The following SIPA1L2 variants were observed in gnomAD, a reference collection of about 807,000 sequenced individuals.
SIPA1L2 encodes the protein signal induced proliferation associated 1 like 2, also known as signal-induced proliferation-associated 1-like protein 2.
SIPA1L2 carries 56 observed loss-of-function variants against 163.9 expected under a neutral mutation model. The ratio of observed to expected loss-of-function variants is 0.34; its 90% CI spans 0.28 to 0.43. The LOEUF is 0.43. Among genes scored for constraint, SIPA1L2 ranks in the 20% least tolerant of loss-of-function variants. The pLI is 1.00. For synonymous variants in SIPA1L2, 877 were observed against 865.7 expected (o/e 1.01, Z -0.23); for missense variants, 1,974 against 2,193.5 (o/e 0.90, Z 2.00).
intron 1 of SIPA1L2, among the ~76,000 whole-genome samples, chr1:232,598,628 C>T (rs1210052139): frequency 6.6e-6 from 1 of 152,144 alleles, no homozygotes; most frequent in Non-Finnish European, 1.5e-5. Context: ...GGCACTAGCA[C>T]ATTCAGGGTC....
In SIPA1L2 at chr1:232,600,043, G is replaced by A. The variant is rs144260795; in HGVS notation, c.-318-25821C>T. ...CCTGCCAGAACACGGGCACTAATCCGTTGCCAGAGTTTAGTGCCTTTCTGG... is the reference window on the plus strand; with the variant it reads ...CCTGCCAGAACACGGGCACTAATCCATTGCCAGAGTTTAGTGCCTTTCTGG... On this transcript the variant is annotated intron_variant, in intron 1 of 22. Coordinates refer to ENST00000674635, the MANE Select transcript of SIPA1L2 (RefSeq NM_020808.5). Among the ~76,000 whole-genome samples the A allele has an allele frequency of 7.3e-3, 1,112 of 152,354 alleles. 4 individuals carry two copies. The highest frequency in any genetic ancestry group is 0.01 in the Middle Eastern group (3 of 294).
At chr1:232,452,504 C>CA (rs369358866) in intron 10 of SIPA1L2, among the ~76,000 whole-genome samples, 46 of 152,304 alleles carry the variant, frequency 3.0e-4, no homozygotes, top group African/African-American at 1.1e-3. Context: ...CCCAAGATGG[C>CA]ATCCACCCAC....
At chr1:232,568,397 C>G (rs789650) in intron 2 of SIPA1L2, among the ~76,000 whole-genome samples, 59,254 of 152,054 alleles carry the variant, frequency 0.39, 12,645 homozygotes, top group East Asian at 0.56. Context: ...GGTGTGGGGG[C>G]AAACTGCCAA....
chr1:232,430,843 C>T (rs1229684432), intron 16 of SIPA1L2, among the ~76,000 whole-genome samples: 1 of 152,214 alleles, frequency 6.6e-6, no homozygotes, highest in Non-Finnish European at 1.5e-5. Context: ...GTGGGGACTG[C>T]CATTTGCCCT....
In SIPA1L2 at chr1:232,464,934, C is replaced by A. The variant is rs1032761141; in HGVS notation, c.2726G>T (p.Ser909Ile). 1 of 1,614,194 alleles carries A rather than the reference C, an allele frequency of 6.2e-7. No individual in the cohort carries two copies. The highest frequency in any genetic ancestry group is 8.5e-7 in the Non-Finnish European group (1 of 1,180,020). ...TCCTCTTTCGTAAAACACTTTGATA[C>A]TCACTAATCCAGATGTCCACCCAAT... ...DVIGWTSGLVSIKVFYERGEC... is the reference protein window; with the variant it reads ...DVIGWTSGLVIIKVFYERGEC... Residue 909 changes from serine to isoleucine, a missense_variant, in exon 9 of 23, where the codon AGT (serine) becomes ATT (isoleucine). Ser to Ile is a moderately radical substitution (Grantham distance 142). Coordinates refer to ENST00000674635, the MANE Select transcript of SIPA1L2 (RefSeq NM_020808.5).
Position 232,630,110 on chromosome 1 carries a change from C to T in SIPA1L2, c.-560G>A, listed in dbSNP as rs1426271400. Among the ~76,000 whole-genome samples the T allele has an allele frequency of 2.0e-5, 3 of 151,302 alleles. No individual in the cohort carries two copies. Among genetic ancestry groups the T allele is most frequent in the Non-Finnish European group, 3.0e-5 (2 of 67,648 alleles). Reference sequence around the variant, plus strand: ...CGTCCTCCTCCTCCTCTCGCTCCGCCAGCTCCTCCCGGGCTCCCAGTCTGC... The same window carrying T: ...CGTCCTCCTCCTCCTCTCGCTCCGCTAGCTCCTCCCGGGCTCCCAGTCTGC... On this transcript the variant is annotated 5_prime_UTR_variant, in exon 1 of 23. Transcript: ENST00000674635.
intron 3 of SIPA1L2, among the ~76,000 whole-genome samples, chr1:232,503,497 G>A (rs1472693807): frequency 1.3e-5 from 2 of 152,196 alleles, no homozygotes; most frequent in Non-Finnish European, 2.9e-5. Flanking sequence ...GGCCAGGTAC[G>A]TAAAAGACAT....
At chr1:232,620,237 G>A (rs1340422180) in intron 1 of SIPA1L2, among the ~76,000 whole-genome samples, 2 of 152,232 alleles carry the variant, frequency 1.3e-5, no homozygotes, top group East Asian at 3.9e-4. Context: ...CAAAAAGGAA[G>A]AAGATAAAAG....
At chr1:232,589,086 G>A (rs1476027395) in intron 1 of SIPA1L2, among the ~76,000 whole-genome samples, 1 of 152,160 alleles carries the variant, frequency 6.6e-6, no homozygotes, top group Non-Finnish European at 1.5e-5. Flanking sequence ...ACATTTAGGT[G>A]GCAGTTCCCT....
chr1:232,418,845 A>T (rs1661409041), intron 18 of SIPA1L2, among the ~76,000 whole-genome samples: 1 of 152,138 alleles, frequency 6.6e-6, no homozygotes, highest in East Asian at 1.9e-4. Context: ...CACAGATGAG[A>T]TGTCTCCTTT....
intron 1 of SIPA1L2, among the ~76,000 whole-genome samples, chr1:232,597,473 C>G (rs553721067): frequency 8.0e-5 from 12 of 149,526 alleles, no homozygotes; most frequent in South Asian, 4.2e-4. Flanking sequence ...GTCAGGAGAT[C>G]GAGACCATCC....
intron 2 of SIPA1L2, among the ~76,000 whole-genome samples, chr1:232,525,862 C>T (rs898387385): frequency 2.6e-5 from 4 of 152,120 alleles, no homozygotes; most frequent in Non-Finnish European, 5.9e-5. Context: ...CCACCTGACA[C>T]CTGAGCAAGC....
chr1:232,543,744 C>G (rs1218149082), intron 2 of SIPA1L2, among the ~76,000 whole-genome samples: 1 of 152,154 alleles, frequency 6.6e-6, no homozygotes, highest in Non-Finnish European at 1.5e-5. Flanking sequence ...TGGCGCATAC[C>G]TGCAGTCCTA....
intron 1 of SIPA1L2, among the ~76,000 whole-genome samples, chr1:232,616,807 T>C (rs1266312325): frequency 1.3e-5 from 2 of 152,230 alleles, no homozygotes; most frequent in Non-Finnish European, 2.9e-5. Flanking sequence ...AACGTTTTAG[T>C]ACTTTCATTT....
At chr1:232,623,052 G>C (rs777330010) in intron 1 of SIPA1L2, among the ~76,000 whole-genome samples, 2 of 152,186 alleles carry the variant, frequency 1.3e-5, no homozygotes, top group Admixed American at 6.5e-5. Flanking sequence ...AATCGAACAG[G>C]AGGATGGGTG....
At chr1:232,430,604 C>T (rs1662172726) in intron 16 of SIPA1L2, among the ~76,000 whole-genome samples, 1 of 152,280 alleles carries the variant, frequency 6.6e-6, no homozygotes, top group South Asian at 2.1e-4. Flanking sequence ...TTAGTGCAGT[C>T]CTGTATGACT....
At chr1:232,421,166 C>T (rs554921501) in intron 18 of SIPA1L2, among the ~76,000 whole-genome samples, 3 of 152,284 alleles carry the variant, frequency 2.0e-5, no homozygotes, top group South Asian at 4.1e-4. Context: ...GCCATCCTAC[C>T]TCACTTCTGG....
At chr1:232,415,432 C>G in intron 19 of SIPA1L2, 62 bp downstream of exon 19, 1 of 1,525,694 alleles carries the variant, frequency 6.6e-7, no homozygotes, top group Non-Finnish European at 8.8e-7. Flanking sequence ...AGATGCCGCA[C>G]AGGCCCTGCA....
chr1:232,449,954 T>C lies in SIPA1L2; in HGVS notation c.3096-4168A>G, dbSNP rs146755972. Among the ~76,000 whole-genome samples the C allele has an allele frequency of 3.7e-3, 570 of 152,348 alleles. 2 individuals are homozygous for C. Among genetic ancestry groups the C allele is most frequent in the Middle Eastern group, 0.02 (6 of 294 alleles). On this transcript the variant is annotated intron_variant, in intron 10 of 22. Transcript: ENST00000674635. ...TTGTCAAATCCATAGTACTTGGAGC[T>C]TGGGACAGAGAAAGAGAAAAAATAA...
Sources: allele counts gnomAD v4.1 joint callset (sites outside exome capture counted in the v4.1 genomes callset), GRCh38; gene constraint gnomAD v4.1.1; transcripts MANE v1.5; gene names NCBI Gene and HGNC (gene_info 2026-07-23, HGNC 2026-07-21).